Variants in SFMBT2 observed in about 807,000 individuals in gnomAD.
SFMBT2 encodes Scm like with four mbt domains 2.
SFMBT2 carries 38 observed loss-of-function variants against 110.1 expected under a neutral mutation model. The observed-to-expected ratio is 0.35, with a 90% CI of 0.27 to 0.45. The LOEUF (loss-of-function observed/expected upper bound fraction) is 0.45, where lower values mean the gene tolerates loss of function less well. Ranked by LOEUF, SFMBT2 falls within the 20% of genes least tolerant of loss-of-function variation. The pLI is 1.00. For synonymous variants in SFMBT2, 425 were observed against 425.4 expected (o/e 1.00, Z 0.01); for missense variants, 1,011 against 1,094.9 (o/e 0.92, Z 1.08).
At chr10:7,384,129 T>A (rs1845510218) in intron 1 of SFMBT2, among the ~76,000 whole-genome samples, 2 of 140,956 alleles carry the variant, frequency 1.4e-5, no homozygotes, top group African/African-American at 5.4e-5. Context: ...GAGAATCGCT[T>A]GAACCCGGGA....
chr10:7,194,400 C>A (rs1265392679), intron 15 of SFMBT2, among the ~76,000 whole-genome samples: 1 of 152,216 alleles, frequency 6.6e-6, no homozygotes, highest in African/African-American at 2.4e-5. Context: ...CAGAACTGGA[C>A]TCTGCAGCCT....
At chr10:7,164,394 C>A (rs749621668) in intron 20 of SFMBT2, 126 of 983,894 alleles carry the variant, frequency 1.3e-4, no homozygotes, top group Non-Finnish European at 1.4e-4. Context: ...TAAACAACAA[C>A]AAAAAACAAC....
chr10:7,323,245 G>C (rs1175236243), intron 4 of SFMBT2, among the ~76,000 whole-genome samples: 1 of 151,900 alleles, frequency 6.6e-6, no homozygotes, highest in Admixed American at 6.6e-5. Flanking sequence ...CCTGAGTTTG[G>C]GAGTTTGCAG....
intron 8 of SFMBT2, chr10:7,243,943 A>G (rs893797777): frequency 4.1e-6 from 1 of 246,550 alleles, no homozygotes; most frequent in Non-Finnish European, 6.5e-6. Context: ...GAAGAGTGAG[A>G]ATGAACAAAA....
At chr10:7,205,330 A>G (rs1839093571) in intron 12 of SFMBT2, 1 of 814,972 alleles carries the variant, frequency 1.2e-6, no homozygotes, top group African/African-American at 1.8e-5. Flanking sequence ...GGGCTCAAGC[A>G]TTCTCCTGCC....
At chr10:7,335,008 A>G (rs959048177) in intron 4 of SFMBT2, among the ~76,000 whole-genome samples, 7 of 152,222 alleles carry the variant, frequency 4.6e-5, no homozygotes, top group Admixed American at 2.0e-4. Flanking sequence ...GGATGCTTTA[A>G]TGTTCAAAAG....
At position 7,301,880 on chromosome 10, in the gene SFMBT2, G is replaced by T. The variant is rs186406236; in HGVS notation, c.437-15926C>A. On this transcript the variant is annotated intron_variant, in intron 4 of 20. Transcript: ENST00000397167. This position sits in a 1 kb window ranked among gnomAD's most constrained non-coding sequence, Gnocchi z 4.2. ...CTGGTGTAGAATTTTTTAAAAAACC[G>T]TTTTGGGCTGGGAGACCTCAGGAGC... Among the ~76,000 whole-genome samples the T allele has an allele frequency of 2.0e-4, 31 of 152,130 alleles. No individual in the cohort carries two copies. The highest frequency in any genetic ancestry group is 7.5e-4 in the African/African-American group (31 of 41,490).
intron 8 of SFMBT2, among the ~76,000 whole-genome samples, chr10:7,244,366 CT>C (rs1027908616): frequency 6.6e-6 from 1 of 152,222 alleles, no homozygotes; most frequent in Non-Finnish European, 1.5e-5. Context: ...CAGACTTCAA[CT>C]TCTGTATTGA....
At chr10:7,347,599 T>C (rs1053266842) in intron 4 of SFMBT2, among the ~76,000 whole-genome samples, 4 of 152,342 alleles carry the variant, frequency 2.6e-5, no homozygotes, top group African/African-American at 9.6e-5. Context: ...AAAATCTTTA[T>C]AGTGTTTGAA....
intron 9 of SFMBT2, 147 bp from the exon 10 acceptor site, chr10:7,228,084 G>T: frequency 1.7e-6 from 1 of 599,048 alleles, no homozygotes; most frequent in Non-Finnish European, 2.8e-6. Flanking sequence ...AAGCTCAGAT[G>T]AAATATTTTG....
intron 7 of SFMBT2, among the ~76,000 whole-genome samples, chr10:7,254,077 A>C (rs1588388091): frequency 6.6e-6 from 1 of 152,210 alleles, no homozygotes; most frequent in South Asian, 2.1e-4. Context: ...ACTTTAAAAA[A>C]CATGAAAGAT....
chr10:7,329,403 A>G, intron 4 of SFMBT2: 2 of 978,770 alleles, frequency 2.0e-6, no homozygotes, highest in Non-Finnish European at 2.4e-6. Flanking sequence ...CCATCAGCGC[A>G]GCACAGCACG....
chr10:7,179,405 A>AC (rs1838174332), intron 16 of SFMBT2, among the ~76,000 whole-genome samples: 1 of 149,996 alleles, frequency 6.7e-6, no homozygotes, highest in African/African-American at 2.5e-5. Context: ...AAAAAAAAAA[A>AC]AAAAAAAAAA....
intron 1 of SFMBT2, among the ~76,000 whole-genome samples, chr10:7,398,865 C>G (rs1227426354): frequency 6.6e-6 from 1 of 152,134 alleles, no homozygotes; most frequent in Non-Finnish European, 1.5e-5. Flanking sequence ...CATGTGTTGT[C>G]CATACCGCCA....
rs543044556 is a variant in SFMBT2, at chr10:7,170,558, G to A, written c.2544+370C>T. On this transcript the variant is annotated intron_variant, in intron 20 of 20. Coordinates refer to ENST00000397167, the MANE Select transcript of SFMBT2 (RefSeq NM_001387889.1). This position sits in a 1 kb window ranked among gnomAD's most constrained non-coding sequence, Gnocchi z 4.6. Reference sequence around the variant, plus strand: ...GAACTGGGACTCTCACCCCTGCCTGGTGGTAAAGAGCCCCCACTGTAGAGT... The same window carrying A: ...GAACTGGGACTCTCACCCCTGCCTGATGGTAAAGAGCCCCCACTGTAGAGT... 6.1e-4 allele frequency among the ~76,000 whole-genome samples: 93 copies of A among 152,282 alleles called. No individual in the cohort carries two copies. Among genetic ancestry groups the A allele is most frequent in the Middle Eastern group, 6.8e-3 (2 of 294 alleles).
intron 2 of SFMBT2, among the ~76,000 whole-genome samples, chr10:7,373,577 C>T (rs553930306): frequency 6.6e-6 from 1 of 152,244 alleles, no homozygotes; most frequent in Non-Finnish European, 1.5e-5. Flanking sequence ...AAAGCTGGAG[C>T]TCTTATGAAG....
At chr10:7,389,109 C>T (rs1463422069) in intron 1 of SFMBT2, among the ~76,000 whole-genome samples, 1 of 152,220 alleles carries the variant, frequency 6.6e-6, no homozygotes, top group Non-Finnish European at 1.5e-5. Flanking sequence ...AATTACTTCA[C>T]TTTCCACAGC....
chr10:7,357,033 G>A (rs939057930), intron 4 of SFMBT2, among the ~76,000 whole-genome samples: 4 of 152,112 alleles, frequency 2.6e-5, no homozygotes, highest in East Asian at 3.8e-4. Context: ...GCAATCTCTC[G>A]AATTCCTACC....
chr10:7,282,674 TG>T (rs1367317827), intron 6 of SFMBT2, among the ~76,000 whole-genome samples: 3 of 152,168 alleles, frequency 2.0e-5, no homozygotes, highest in Non-Finnish European at 4.4e-5. Context: ...TTAATGCAAA[TG>T]CAAACACACG....
Sources: allele counts gnomAD v4.1 joint callset (sites outside exome capture counted in the v4.1 genomes callset), GRCh38; gene constraint gnomAD v4.1.1; non-coding constraint Gnocchi (gnomAD v3.1); transcripts MANE v1.5; gene names NCBI Gene and HGNC (gene_info 2026-07-23, HGNC 2026-07-21).